WWOX: variants seen among roughly 807,000 people sequenced by gnomAD.
WWOX encodes the protein WW domain-containing oxidoreductase.
A neutral mutation model predicts 46.2 loss-of-function variants in WWOX; 69 were observed. The ratio of observed to expected loss-of-function variants is 1.49; its 90% CI spans 1.23 to 1.82. The LOEUF is 1.82. Among genes scored for constraint, WWOX ranks in the 40% most tolerant of loss-of-function variants. The pLI, the probability that WWOX is intolerant of heterozygous loss-of-function variation, is 0.00. For missense variants in WWOX, 919 were observed against 542.6 expected, an observed-to-expected ratio of 1.69 and a Z score of -6.89; for synonymous variants, 359 against 202.6, an observed-to-expected ratio of 1.77 and a Z score of -6.56.
chr16:79,192,035 C>T (rs959032790), intron 8 of WWOX, among the ~76,000 whole-genome samples: 8 of 152,168 alleles, frequency 5.3e-5, no homozygotes, highest in African/African-American at 1.9e-4. Flanking sequence ...CTGGGGCATT[C>T]GCGTTAGAGA....
In WWOX at chr16:78,171,178, C is replaced by T. The variant is rs571012835; in HGVS notation, c.516+6889C>T. Among the ~76,000 whole-genome samples the T allele has an allele frequency of 8.5e-5, 13 of 152,222 alleles. No homozygotes were observed. The South Asian group carries it at 2.5e-3, about 29-fold the overall frequency. On this transcript the variant is annotated intron_variant, in intron 5 of 8. Coordinates refer to ENST00000566780, the MANE Select transcript of WWOX (RefSeq NM_016373.4). Reference sequence around the variant, plus strand: ...TCATAGATACTGACACCTGTGTTTTCATTTTGTTGTTGTTGTTGTTTTCCC... The same window carrying T: ...TCATAGATACTGACACCTGTGTTTTTATTTTGTTGTTGTTGTTGTTTTCCC...
chr16:78,627,831 G>C (rs148751071), intron 8 of WWOX, among the ~76,000 whole-genome samples: 1 of 152,236 alleles, frequency 6.6e-6, no homozygotes, highest in Non-Finnish European at 1.5e-5. Flanking sequence ...ACAAGATGAT[G>C]CCGACTTAGA....
intron 4 of WWOX, among the ~76,000 whole-genome samples, chr16:78,118,619 A>T (rs1271217352): frequency 6.6e-6 from 1 of 152,184 alleles, no homozygotes; most frequent in Non-Finnish European, 1.5e-5. Flanking sequence ...GCTTGTTACC[A>T]GAAGAGTCGC....
At chr16:78,538,026 T>A (rs979101862) in intron 8 of WWOX, among the ~76,000 whole-genome samples, 2 of 152,088 alleles carry the variant, frequency 1.3e-5, no homozygotes, top group Non-Finnish European at 2.9e-5. Context: ...GGTTGAATTA[T>A]AGGGCAAATC....
At chr16:78,946,136 C>T (rs2045944112) in intron 8 of WWOX, among the ~76,000 whole-genome samples, 1 of 152,146 alleles carries the variant, frequency 6.6e-6, no homozygotes, top group South Asian at 2.1e-4. Flanking sequence ...CTTTAATTCC[C>T]CCTACAAGAA....
At chr16:79,014,559 A>G (rs143423365) in intron 8 of WWOX, among the ~76,000 whole-genome samples, 1,609 of 152,324 alleles carry the variant, frequency 0.011, 39 homozygotes, top group African/African-American at 0.037. Context: ...CACCTGGAAG[A>G]TTCCCCAGAT....
chr16:78,938,221 C>G (rs2045782073), intron 8 of WWOX, among the ~76,000 whole-genome samples: 1 of 152,140 alleles, frequency 6.6e-6, no homozygotes, highest in Non-Finnish European at 1.5e-5. Flanking sequence ...GCAGGACTTC[C>G]ACACACCTGG....
chr16:79,101,773 C>T (rs1203190410), intron 8 of WWOX: 7 of 150,408 alleles, frequency 4.7e-5, no homozygotes, highest in Non-Finnish European at 1.0e-4. Context: ...CTAATACTTC[C>T]TGCTTTCACA....
At chr16:78,898,783 T>C (rs2044758919) in intron 8 of WWOX, 1 of 152,174 alleles carries the variant, frequency 6.6e-6, no homozygotes. Context: ...TCTTTATTTA[T>C]AAACATTTCA....
intron 5 of WWOX, among the ~76,000 whole-genome samples, chr16:78,372,614 C>G (rs563256029): frequency 6.6e-6 from 1 of 152,304 alleles, no homozygotes; most frequent in East Asian, 1.9e-4. Context: ...AGAAGGGTTA[C>G]TCTCCTTAGG....
intron 8 of WWOX, among the ~76,000 whole-genome samples, chr16:79,165,798 G>A (rs1408242309): frequency 3.3e-5 from 5 of 152,160 alleles, no homozygotes; most frequent in African/African-American, 7.2e-5. Flanking sequence ...TGGCTTCTCC[G>A]AGTCAGCCTG....
chr16:78,108,272 C>G, intron 1 of WWOX, 151 bp from the exon 2 acceptor site: 1 of 747,938 alleles, frequency 1.3e-6, no homozygotes, highest in East Asian at 2.9e-5. Context: ...AAAGTTGACC[C>G]CGTAGCTGGG....
chr16:78,889,852 C>G (rs1597111401), intron 8 of WWOX, among the ~76,000 whole-genome samples: 4 of 152,176 alleles, frequency 2.6e-5, no homozygotes, highest in South Asian at 2.1e-4. Context: ...TTTGCTGTAT[C>G]TGGAGAAAGT....
intron 8 of WWOX, among the ~76,000 whole-genome samples, chr16:78,663,380 ATAT>A (rs2047261105): frequency 6.6e-6 from 1 of 152,154 alleles, no homozygotes; most frequent in African/African-American, 2.4e-5. Flanking sequence ...TGGCCAAATA[ATAT>A]TCTATTCTAT....
At chr16:79,178,710 G>T (rs4888937) in intron 8 of WWOX, among the ~76,000 whole-genome samples, 54 of 151,672 alleles carry the variant, frequency 3.6e-4, no homozygotes, top group African/African-American at 1.3e-3. Context: ...CAAAGGTATG[G>T]GATGTGCCTA....
At chr16:78,400,080 C>T (rs1320416999) in intron 6 of WWOX, among the ~76,000 whole-genome samples, 1 of 152,148 alleles carries the variant, frequency 6.6e-6, no homozygotes, top group Non-Finnish European at 1.5e-5. Context: ...CCTTGTCATT[C>T]AGAAAAACAT....
intron 8 of WWOX, among the ~76,000 whole-genome samples, chr16:78,520,599 G>A (rs574311394): frequency 1.2e-4 from 19 of 152,176 alleles, no homozygotes; most frequent in African/African-American, 4.3e-4. Context: ...GAAGGCTGCT[G>A]GGACTCACTC....
At chr16:79,167,012 C>T (rs9938880) in intron 8 of WWOX, among the ~76,000 whole-genome samples, 5 of 152,092 alleles carry the variant, frequency 3.3e-5, no homozygotes, top group African/African-American at 1.2e-4. Context: ...CTGATCTCTA[C>T]TCTCTGCAAC....
intron 5 of WWOX, chr16:78,167,842 T>G (rs2035022960): frequency 6.6e-6 from 1 of 152,244 alleles, no homozygotes; most frequent in Non-Finnish European, 1.5e-5. Context: ...CCTTGATATT[T>G]GCTGGTCTAC....
Sources: allele counts gnomAD v4.1 joint callset (sites outside exome capture counted in the v4.1 genomes callset), GRCh38; gene constraint gnomAD v4.1.1; transcripts MANE v1.5; gene names NCBI Gene and HGNC (gene_info 2026-07-23, HGNC 2026-07-21).